TBC1D5: variants seen among roughly 807,000 people sequenced by gnomAD.
TBC1D5 encodes TBC1 domain family member 5, also known as TBC1 domain family, member 5.
TBC1D5 carries 75 observed loss-of-function variants against 100.3 expected under a neutral mutation model. The observed-to-expected ratio is 0.75, with a 90% CI of 0.62 to 0.91. The LOEUF is 0.91. Among genes scored for constraint, TBC1D5 ranks in the 40% least tolerant of loss-of-function variants. The pLI is 0.00. For missense variants in TBC1D5, 910 were observed against 942.4 expected (o/e 0.97, Z 0.45); for synonymous variants, 323 against 325.6 (o/e 0.99, Z 0.09).
At chr3:17,479,170 G>C (rs1576253689) in intron 3 of TBC1D5, among the ~76,000 whole-genome samples, 3 of 152,170 alleles carry the variant, frequency 2.0e-5, no homozygotes, top group African/African-American at 4.8e-5. Flanking sequence ...GGTGGCAGAG[G>C]CAAGAGGATT....
intron 4 of TBC1D5, among the ~76,000 whole-genome samples, chr3:17,426,050 G>A (rs1052988668): frequency 1.3e-5 from 2 of 151,966 alleles, no homozygotes; most frequent in South Asian, 2.1e-4. Flanking sequence ...TCAGGCCTGC[G>A]TTGTCGAATT....
chr3:17,318,012 T>C (rs903645388), intron 13 of TBC1D5, among the ~76,000 whole-genome samples: 1 of 151,836 alleles, frequency 6.6e-6, no homozygotes, highest in Non-Finnish European at 1.5e-5. Flanking sequence ...ATTAAGAAAA[T>C]GTGGCACACA....
At chr3:17,446,437 T>C (rs1347530794) in intron 3 of TBC1D5, among the ~76,000 whole-genome samples, 1 of 151,814 alleles carries the variant, frequency 6.6e-6, no homozygotes, top group Admixed American at 6.6e-5. Context: ...CACAACTACA[T>C]ACATATTGAC....
intron 3 of TBC1D5, among the ~76,000 whole-genome samples, chr3:17,462,322 A>ATTTTTT (rs527597868): frequency 2.6e-4 from 34 of 132,656 alleles, no homozygotes; most frequent in African/African-American, 9.4e-4. Flanking sequence ...TCGGACCTTA[A>ATTTTTT]TTTTTTTTTT....
intron 14 of TBC1D5, 110 bp downstream of exon 14, chr3:17,307,882 T>C (rs1354927800): frequency 7.2e-7 from 1 of 1,394,122 alleles, no homozygotes; most frequent in East Asian, 2.6e-5. Flanking sequence ...ACTACAAAAA[T>C]TGAGGTACAT....
At chr3:17,313,960 C>T (rs559412005) in intron 13 of TBC1D5, among the ~76,000 whole-genome samples, 4 of 152,242 alleles carry the variant, frequency 2.6e-5, no homozygotes, top group African/African-American at 7.2e-5. Flanking sequence ...AAGTACCCTC[C>T]GGGGTTATCA....
At chr3:17,692,611 G>A (rs1483758786) in intron 1 of TBC1D5, among the ~76,000 whole-genome samples, 1 of 152,120 alleles carries the variant, frequency 6.6e-6, no homozygotes, top group Non-Finnish European at 1.5e-5. Flanking sequence ...CAATCCATTG[G>A]AGAGAAAAAC....
At chr3:17,305,462 C>T (rs2083305034) in intron 14 of TBC1D5, among the ~76,000 whole-genome samples, 1 of 152,164 alleles carries the variant, frequency 6.6e-6, no homozygotes, top group Admixed American at 6.5e-5. Flanking sequence ...CCCAAACAAA[C>T]TTTGATATAT....
intron 17 of TBC1D5, among the ~76,000 whole-genome samples, chr3:17,226,071 G>A (rs2074862046): frequency 6.6e-6 from 1 of 151,316 alleles, no homozygotes; most frequent in African/African-American, 2.4e-5. Flanking sequence ...GAGATACATA[G>A]GAAAAGCCCA....
intron 15 of TBC1D5, among the ~76,000 whole-genome samples, chr3:17,285,381 C>G (rs1035726715): frequency 1.3e-4 from 19 of 149,926 alleles, no homozygotes; most frequent in Admixed American, 5.3e-4. Context: ...CTGCCTCAGC[C>G]TCCCGAGTAG....
At chr3:17,167,749 C>T (rs770673707) in exon 20 of TBC1D5, 3 of 1,613,946 alleles carry the variant, frequency 1.9e-6, no homozygotes, top group Non-Finnish European at 2.5e-6. Flanking sequence ...ATGCACATAC[C>T]TGTTTTAATC....
At chr3:17,397,863 T>C (rs893162079) in intron 8 of TBC1D5, among the ~76,000 whole-genome samples, 1 of 152,262 alleles carries the variant, frequency 6.6e-6, no homozygotes, top group Non-Finnish European at 1.5e-5. Context: ...AAAGTTACAA[T>C]TATAAAAGTC....
chr3:17,263,342 G>T (rs563104873), intron 15 of TBC1D5, among the ~76,000 whole-genome samples: 1 of 139,220 alleles, frequency 7.2e-6, no homozygotes, highest in Non-Finnish European at 1.5e-5. Flanking sequence ...CTCCAACCTG[G>T]GTGACAGAAT....
chr3:17,440,057 G>A (rs1434754071), intron 3 of TBC1D5, among the ~76,000 whole-genome samples: 3 of 152,152 alleles, frequency 2.0e-5, no homozygotes, highest in Non-Finnish European at 2.9e-5. Context: ...AAGTGCTGAC[G>A]TTATAGCGGT....
At chr3:17,475,795 G>A (rs886331132) in intron 3 of TBC1D5, among the ~76,000 whole-genome samples, 4 of 152,030 alleles carry the variant, frequency 2.6e-5, no homozygotes, top group African/African-American at 9.7e-5. Context: ...GTTTCCCTGT[G>A]TTCCTAGGGT....
chr3:17,292,650 T>A (rs964868223), intron 14 of TBC1D5, among the ~76,000 whole-genome samples: 2 of 152,184 alleles, frequency 1.3e-5, no homozygotes, highest in East Asian at 3.8e-4. Flanking sequence ...AACCTAATTA[T>A]GGGTGTAATT....
intron 1 of TBC1D5, among the ~76,000 whole-genome samples, chr3:17,673,258 T>C (rs2068169807): frequency 6.6e-6 from 1 of 151,962 alleles, no homozygotes; most frequent in Non-Finnish European, 1.5e-5. Flanking sequence ...TAATTCCGCA[T>C]GGTAAATACA....
At chr3:17,322,474 A>G (rs374302144) in intron 13 of TBC1D5, among the ~76,000 whole-genome samples, 1 of 152,258 alleles carries the variant, frequency 6.6e-6, no homozygotes, top group South Asian at 2.1e-4. Context: ...GCAGCGCAGC[A>G]CTGTGATTTC....
At chr3:17,355,001 T>C (rs1311108104) in intron 13 of TBC1D5, among the ~76,000 whole-genome samples, 1 of 152,116 alleles carries the variant, frequency 6.6e-6, no homozygotes, top group East Asian at 1.9e-4. Context: ...AGTTTTGAAC[T>C]ATTCACCAGC....
Sources: gnomAD v4.1 joint callset for allele counts (sites outside exome capture counted in the v4.1 genomes callset) on GRCh38, gnomAD v4.1.1 for gene constraint, MANE v1.5 for transcripts, NCBI Gene and HGNC (gene_info 2026-07-23, HGNC 2026-07-21) for gene names.